Variants in PKP2 observed in about 807,000 individuals in gnomAD.
The protein encoded by PKP2 is plakophilin 2.
In PKP2, 73 loss-of-function variants were observed where a neutral mutation model predicts 83.4. The observed-to-expected ratio is 0.88, with a 90% CI of 0.72 to 1.06. The LOEUF (loss-of-function observed/expected upper bound fraction) is 1.06, where lower values mean the gene tolerates loss of function less well. PKP2 is among the 50% of genes least tolerant of loss of function. The probability of loss-of-function intolerance (pLI) is 0.00; values close to 1 mark genes in which losing one functional copy is unlikely to be tolerated. For missense variants in PKP2, 966 were observed against 1,065.4 expected (o/e 0.91, Z 1.30); for synonymous variants, 409 against 430.4 (o/e 0.95, Z 0.62).
intron 4 of PKP2, among the ~76,000 whole-genome samples, chr12:32,854,312 C>A (rs1409316554): frequency 6.6e-6 from 1 of 152,198 alleles, no homozygotes; most frequent in African/African-American, 2.4e-5. Flanking sequence ...ACAGACATAC[C>A]AGTGCTTAGA....
chr12:32,796,344 T>C, intron 10 of PKP2, 46 bp from the exon 11 acceptor site: 1 of 1,481,350 alleles, frequency 6.8e-7, no homozygotes, highest in Middle Eastern at 1.7e-4. Flanking sequence ...AAAAGATTGT[T>C]TCTTAATCCC....
intron 5 of PKP2, among the ~76,000 whole-genome samples, chr12:32,848,884 C>A (rs1474956452): frequency 6.6e-6 from 1 of 151,360 alleles, no homozygotes; most frequent in African/African-American, 2.4e-5. Flanking sequence ...AAAATTAAAC[C>A]TATTATATAA....
At chr12:32,869,638 C>T (rs1956880940) in intron 3 of PKP2, among the ~76,000 whole-genome samples, 2 of 143,248 alleles carry the variant, frequency 1.4e-5, no homozygotes, top group Non-Finnish European at 3.0e-5. Flanking sequence ...AATATGTATC[C>T]TATGATTCTT....
chr12:32,805,094 G>A (rs912365644), intron 9 of PKP2, among the ~76,000 whole-genome samples: 2 of 150,766 alleles, frequency 1.3e-5, no homozygotes, highest in Non-Finnish European at 3.0e-5. Flanking sequence ...CCACATGTAC[G>A]TCTTCTTTTG....
intron 4 of PKP2, among the ~76,000 whole-genome samples, chr12:32,858,230 A>G (rs1328290651): frequency 6.8e-6 from 1 of 147,772 alleles, no homozygotes; most frequent in Non-Finnish European, 1.5e-5. Context: ...AATGACCCCC[A>G]GAGGTCAAGG....
intron 4 of PKP2, among the ~76,000 whole-genome samples, chr12:32,852,018 G>A (rs114558567): frequency 1.3e-3 from 194 of 152,218 alleles, no homozygotes; most frequent in African/African-American, 4.3e-3. Context: ...TGTTTTAGTC[G>A]GAAAATATGA....
chr12:32,870,681 G>C (rs1384005040), intron 3 of PKP2, among the ~76,000 whole-genome samples: 2 of 152,118 alleles, frequency 1.3e-5, no homozygotes, highest in Non-Finnish European at 2.9e-5. Context: ...TGTAAGTCTA[G>C]TCTCAAGCTC....
At chr12:32,855,360 G>A (rs975956543) in intron 4 of PKP2, among the ~76,000 whole-genome samples, 1 of 152,146 alleles carries the variant, frequency 6.6e-6, no homozygotes, top group Admixed American at 6.5e-5. Context: ...TGTAAGATGA[G>A]CAGTTACATG....
chr12:32,895,522 G>A (rs962907054), intron 1 of PKP2, among the ~76,000 whole-genome samples: 1 of 152,148 alleles, frequency 6.6e-6, no homozygotes. Context: ...CAACTTAATT[G>A]CTCAATTTCT....
At chr12:32,799,421 A>G (rs776384062) in intron 10 of PKP2, among the ~76,000 whole-genome samples, 3 of 152,264 alleles carry the variant, frequency 2.0e-5, no homozygotes, top group African/African-American at 7.2e-5. Context: ...TGATCCAGCA[A>G]TACCACTACT....
chr12:32,845,446 G>T (rs1956636218), intron 5 of PKP2, among the ~76,000 whole-genome samples: 1 of 152,114 alleles, frequency 6.6e-6, no homozygotes, highest in African/African-American at 2.4e-5. Context: ...CATCTACTTG[G>T]GAGGCTGAGG....
intron 10 of PKP2, among the ~76,000 whole-genome samples, chr12:32,797,781 C>T (rs902910421): frequency 4.0e-5 from 6 of 151,880 alleles, no homozygotes; most frequent in African/African-American, 1.4e-4. Flanking sequence ...TGATCTTGAT[C>T]TCCTGATCTT....
chr12:32,795,227 C>G (rs1956109839), intron 11 of PKP2, among the ~76,000 whole-genome samples: 1 of 150,862 alleles, frequency 6.6e-6, no homozygotes, highest in Non-Finnish European at 1.5e-5. Context: ...AAAACAGGAA[C>G]ACAGATGTGG....
intron 9 of PKP2, among the ~76,000 whole-genome samples, chr12:32,812,977 C>T (rs763981389): frequency 2.0e-5 from 3 of 152,146 alleles, no homozygotes; most frequent in Non-Finnish European, 4.4e-5. Context: ...ATCGTGGGCA[C>T]AGTCGGTCTG....
intron 4 of PKP2, among the ~76,000 whole-genome samples, chr12:32,853,214 CTT>C (rs1956716000): frequency 6.6e-6 from 1 of 152,058 alleles, no homozygotes; most frequent in Non-Finnish European, 1.5e-5. Context: ...AAATCTGAAA[CTT>C]TTTGAATGCT....
chr12:32,874,275 G>A (rs1201290191), intron 3 of PKP2, among the ~76,000 whole-genome samples: 1 of 152,152 alleles, frequency 6.6e-6, no homozygotes, highest in Admixed American at 6.6e-5. Flanking sequence ...AACACAGTGT[G>A]TGGTCTCAGG....
intron 4 of PKP2, among the ~76,000 whole-genome samples, chr12:32,861,935 T>C (rs980441021): frequency 6.6e-6 from 1 of 152,190 alleles, no homozygotes; most frequent in African/African-American, 2.4e-5. Flanking sequence ...TCTCACTCTG[T>C]TGCCCAGGCT....
At chr12:32,804,797 A>T (rs1461582222) in intron 9 of PKP2, among the ~76,000 whole-genome samples, 1 of 152,190 alleles carries the variant, frequency 6.6e-6, no homozygotes, top group Non-Finnish European at 1.5e-5. Context: ...GACGATTTAT[A>T]TTCCTTTGGG....
chr12:32,884,212 G>C (rs1218145205), intron 1 of PKP2, among the ~76,000 whole-genome samples: 1 of 152,146 alleles, frequency 6.6e-6, no homozygotes, highest in African/African-American at 2.4e-5. Flanking sequence ...CTAGCACTTT[G>C]GGAGGTCCAA....
Sources: allele counts gnomAD v4.1 joint callset (sites outside exome capture counted in the v4.1 genomes callset), GRCh38; gene constraint gnomAD v4.1.1; transcripts MANE v1.5; gene names NCBI Gene and HGNC (gene_info 2026-07-23, HGNC 2026-07-21).